NMNAT2: variants seen among roughly 807,000 people sequenced by gnomAD.
NMNAT2 encodes the protein nicotinamide/nicotinic acid mononucleotide adenylyltransferase 2.
A neutral mutation model predicts 41.6 loss-of-function variants in NMNAT2; 11 were observed. The observed-to-expected ratio is 0.26, with a 90% CI of 0.17 to 0.44. The LOEUF is 0.44. Ranked by LOEUF, NMNAT2 falls within the 20% of genes least tolerant of loss-of-function variation. The pLI, the probability that NMNAT2 is intolerant of heterozygous loss-of-function variation, is 1.00. For missense variants in NMNAT2, 288 were observed against 407.7 expected, an observed-to-expected ratio of 0.71 and a Z score of 2.53; for synonymous variants, 148 against 151.2, an observed-to-expected ratio of 0.98 and a Z score of 0.16.
chr1:183,350,385 C>T lies in NMNAT2; in HGVS notation c.86-56592G>A, dbSNP rs139835112. 1.4e-3 allele frequency among the ~76,000 whole-genome samples: 213 copies of T among 152,072 alleles called. 1 individual carries two copies. Among genetic ancestry groups the T allele is most frequent in the African/African-American group, 4.9e-3 (202 of 41,464 alleles). On this transcript the variant is annotated intron_variant, in intron 1 of 10. Coordinates refer to ENST00000287713, the MANE Select transcript of NMNAT2 (RefSeq NM_015039.4). ...GAGAAATCCATTCAAAGATACCCTG[C>T]AGCTGATAAAGGGAGAAGGAAAAAG...
chr1:183,388,970 A>G (rs1648341938), intron 1 of NMNAT2, among the ~76,000 whole-genome samples: 1 of 152,244 alleles, frequency 6.6e-6, no homozygotes, highest in Non-Finnish European at 1.5e-5. Context: ...TTACCCTCAA[A>G]GCAAACACAC....
chr1:183,287,126 T>C (rs1661421088), intron 4 of NMNAT2, among the ~76,000 whole-genome samples: 1 of 152,064 alleles, frequency 6.6e-6, no homozygotes, highest in Non-Finnish European at 1.5e-5. Context: ...TGTGGTCGGG[T>C]CACACAAGCG....
chr1:183,353,871 G>A (rs191385099), intron 1 of NMNAT2, among the ~76,000 whole-genome samples: 20 of 152,050 alleles, frequency 1.3e-4, no homozygotes, highest in Admixed American at 5.2e-4. Flanking sequence ...TTGAGTGAGA[G>A]GCCCCAGTGA....
chr1:183,369,263 C>CTTTTTTTTTTTT (rs55925461), intron 1 of NMNAT2, among the ~76,000 whole-genome samples: 2 of 140,090 alleles, frequency 1.4e-5, no homozygotes, highest in Non-Finnish European at 3.1e-5. Flanking sequence ...CTTTTCTTTT[C>CTTTTTTTTTTTT]TTTTTTTTTT....
intron 10 of NMNAT2, among the ~76,000 whole-genome samples, chr1:183,257,388 C>T (rs1251918180): frequency 6.6e-6 from 1 of 152,050 alleles, no homozygotes; most frequent in Non-Finnish European, 1.5e-5. Context: ...TTGCAGTGAG[C>T]CAAGATCACG....
chr1:183,364,995 C>T (rs533591579), intron 1 of NMNAT2, among the ~76,000 whole-genome samples: 1 of 152,262 alleles, frequency 6.6e-6, no homozygotes, highest in South Asian at 2.1e-4. Flanking sequence ...CCACCCAGTG[C>T]CCCATGAACA....
At chr1:183,267,012 T>G in intron 8 of NMNAT2, 1 of 167,884 alleles carries the variant, frequency 6.0e-6, no homozygotes, top group Non-Finnish European at 1.3e-5. Flanking sequence ...ATGATGGTAA[T>G]CATGACGGGG....
intron 7 of NMNAT2, among the ~76,000 whole-genome samples, chr1:183,278,988 G>A (rs950582667): frequency 6.6e-6 from 1 of 152,196 alleles, no homozygotes; most frequent in Non-Finnish European, 1.5e-5. Flanking sequence ...CTTGTCTAAG[G>A]TCTGAGGTAC....
At chr1:183,339,102 T>C (rs1368813813) in intron 1 of NMNAT2, among the ~76,000 whole-genome samples, 5 of 152,100 alleles carry the variant, frequency 3.3e-5, no homozygotes, top group Non-Finnish European at 5.9e-5. Context: ...TTTTGTTTTA[T>C]TTTTATTTTT....
chr1:183,406,783 A>G (rs972981349), intron 1 of NMNAT2, among the ~76,000 whole-genome samples: 7 of 151,260 alleles, frequency 4.6e-5, no homozygotes, highest in African/African-American at 1.7e-4. Context: ...GCAACTAAAT[A>G]AAAAAGAAAC....
intron 1 of NMNAT2, among the ~76,000 whole-genome samples, chr1:183,412,209 G>A (rs966275578): frequency 6.6e-6 from 1 of 152,118 alleles, no homozygotes; most frequent in African/African-American, 2.4e-5. Flanking sequence ...CATTTTGAAA[G>A]GATCACTCTG....
At chr1:183,313,140 C>A (rs944516667) in intron 1 of NMNAT2, among the ~76,000 whole-genome samples, 1 of 151,864 alleles carries the variant, frequency 6.6e-6, no homozygotes, top group African/African-American at 2.4e-5. Flanking sequence ...TCAATTTAAC[C>A]GGAACAAATT....
chr1:183,408,884 T>C (rs1342801303), intron 1 of NMNAT2, among the ~76,000 whole-genome samples: 1 of 152,236 alleles, frequency 6.6e-6, no homozygotes, highest in Non-Finnish European at 1.5e-5. Context: ...AAAAAAAGTC[T>C]TCTTTTAAAG....
At chr1:183,255,661 G>C (rs965643130) in intron 10 of NMNAT2, among the ~76,000 whole-genome samples, 4 of 119,406 alleles carry the variant, frequency 3.3e-5, no homozygotes, top group African/African-American at 1.5e-4. Flanking sequence ...TATTCCTAAG[G>C]GTTTTTTTTT....
chr1:183,374,371 G>C (rs1224468681), intron 1 of NMNAT2, among the ~76,000 whole-genome samples: 2 of 152,186 alleles, frequency 1.3e-5, no homozygotes, highest in Non-Finnish European at 2.9e-5. Context: ...GCTGGCCTCA[G>C]AGCCTTCTAC....
At chr1:183,350,364 A>T (rs1663020091) in intron 1 of NMNAT2, among the ~76,000 whole-genome samples, 2 of 152,202 alleles carry the variant, frequency 1.3e-5, no homozygotes, top group Non-Finnish European at 2.9e-5. Context: ...ATTTGAGAGA[A>T]ATCCATTCAA....
At chr1:183,268,527 G>A (rs1660879821) in intron 8 of NMNAT2, among the ~76,000 whole-genome samples, 1 of 152,218 alleles carries the variant, frequency 6.6e-6, no homozygotes, top group African/African-American at 2.4e-5. Flanking sequence ...ACTGGCAAAA[G>A]TTTGGGTCAT....
rs115268512 is a variant in NMNAT2, at chr1:183,299,887, G to A, written c.86-6094C>T. On this transcript the variant is annotated intron_variant, in intron 1 of 10. Coordinates refer to ENST00000287713, the MANE Select transcript of NMNAT2 (RefSeq NM_015039.4). ...TTACCAATGTCAATGTTCTCATTTC[G>A]ATATTCTACTATAGTTATAGAAAAT... 7.6e-3 allele frequency among the ~76,000 whole-genome samples: 1,159 copies of A among 152,168 alleles called. 10 individuals carry two copies. The highest frequency in any genetic ancestry group is 0.027 in the African/African-American group (1,114 of 41,508).
chr1:183,321,354 A>G (rs1662352693), intron 1 of NMNAT2, among the ~76,000 whole-genome samples: 1 of 152,236 alleles, frequency 6.6e-6, no homozygotes, highest in Admixed American at 6.5e-5. Context: ...CTCAGAGGCT[A>G]GGGTAGGAAA....
Sources: allele counts gnomAD v4.1 joint callset (sites outside exome capture counted in the v4.1 genomes callset), GRCh38; gene constraint gnomAD v4.1.1; transcripts MANE v1.5; gene names NCBI Gene and HGNC (gene_info 2026-07-23, HGNC 2026-07-21).